Variants in CTNNA3 observed in about 807,000 individuals in gnomAD.
CTNNA3 encodes catenin alpha 3.
CTNNA3 carries 76 observed loss-of-function variants against 95.7 expected under a neutral mutation model. That is an observed-to-expected ratio of 0.79 (90% CI 0.66 to 0.96). CTNNA3 has a LOEUF of 0.96. CTNNA3 is among the 40% of genes least tolerant of loss of function. The pLI, the probability that CTNNA3 is intolerant of heterozygous loss-of-function variation, is 0.00. For synonymous variants in CTNNA3, 431 were observed against 374.4 expected (o/e 1.15, Z -1.74); for missense variants, 1,191 against 1,089.8 (o/e 1.09, Z -1.31).
At position 66,221,975 on chromosome 10, in the gene CTNNA3, T is replaced by C. The variant is rs537814499; in HGVS notation, c.1884+58495A>G. Among the ~76,000 whole-genome samples, 126 of 152,294 alleles carry C rather than the reference T, an allele frequency of 8.3e-4. 1 individual carries two copies. The highest frequency in any genetic ancestry group is 2.9e-3 in the African/African-American group (119 of 41,578). ...GAGAGGCTTCTAGCTTAAGTACAAT[T>C]ACAGAAAAGGGCCTTGCATTTTTAT... On this transcript the variant is annotated intron_variant, in intron 13 of 17. Transcript: ENST00000433211.
chr10:67,483,784 A>AC (rs1848339097), intron 5 of CTNNA3, among the ~76,000 whole-genome samples: 2 of 149,524 alleles, frequency 1.3e-5, no homozygotes, highest in African/African-American at 4.9e-5. Flanking sequence ...ATTAAAAAAA[A>AC]AAACAAAAAA....
intron 7 of CTNNA3, among the ~76,000 whole-genome samples, chr10:66,934,178 T>A (rs1452178881): frequency 6.6e-6 from 1 of 152,132 alleles, no homozygotes; most frequent in Admixed American, 6.5e-5. Flanking sequence ...ATCCATTTTA[T>A]TGAAAAAAAA....
intron 2 of CTNNA3, among the ~76,000 whole-genome samples, chr10:67,619,724 T>C (rs1170296494): frequency 6.6e-6 from 1 of 152,088 alleles, no homozygotes. Context: ...GATTAAAAGC[T>C]GTAATGGCTC....
At chr10:67,611,384 G>A (rs563903363) in intron 2 of CTNNA3, among the ~76,000 whole-genome samples, 13 of 151,832 alleles carry the variant, frequency 8.6e-5, no homozygotes, top group East Asian at 5.8e-4. Flanking sequence ...CACGATCTCC[G>A]TTCACTGCAA....
At chr10:67,285,628 TAAACAGG>T (rs1792201987) in intron 5 of CTNNA3, among the ~76,000 whole-genome samples, 2 of 152,226 alleles carry the variant, frequency 1.3e-5, no homozygotes, top group African/African-American at 4.8e-5. Flanking sequence ...ACTTGTTTTG[TAAACAGG>T]AAAGTACATA....
chr10:66,470,103 A>T (rs1048511245), intron 11 of CTNNA3, among the ~76,000 whole-genome samples: 1 of 151,886 alleles, frequency 6.6e-6, no homozygotes, highest in Non-Finnish European at 1.5e-5. Flanking sequence ...GAGACCAAAA[A>T]TCAGGACCAG....
chr10:66,707,316 T>C (rs931613938), intron 9 of CTNNA3, among the ~76,000 whole-genome samples: 1 of 152,110 alleles, frequency 6.6e-6, no homozygotes, highest in African/African-American at 2.4e-5. Flanking sequence ...GAACAGCTTA[T>C]AAAATTAATA....
intron 7 of CTNNA3, among the ~76,000 whole-genome samples, chr10:67,171,627 C>A (rs538700189): frequency 6.6e-6 from 1 of 151,570 alleles, no homozygotes; most frequent in Non-Finnish European, 1.5e-5. Context: ...TAGTGCACAC[C>A]CGTAGTCCCA....
At chr10:67,310,676 T>A (rs1840753653) in intron 5 of CTNNA3, among the ~76,000 whole-genome samples, 1 of 152,138 alleles carries the variant, frequency 6.6e-6, no homozygotes, top group South Asian at 2.1e-4. Flanking sequence ...CTTCTTCACA[T>A]GGTGACAGGA....
At chr10:66,543,974 T>C (rs1841958430) in intron 10 of CTNNA3, among the ~76,000 whole-genome samples, 1 of 138,046 alleles carries the variant, frequency 7.2e-6, no homozygotes, top group Non-Finnish European at 1.6e-5. Context: ...AGCATTTTTC[T>C]TTATTTTATT....
chr10:67,005,204 T>A (rs973746278), intron 7 of CTNNA3, among the ~76,000 whole-genome samples: 11 of 152,180 alleles, frequency 7.2e-5, no homozygotes, highest in African/African-American at 2.7e-4. Context: ...GAAAATGATT[T>A]CCAAAGCCAG....
chr10:67,671,245 A>C (rs1840426009), intron 1 of CTNNA3, among the ~76,000 whole-genome samples: 1 of 152,166 alleles, frequency 6.6e-6, no homozygotes, highest in East Asian at 1.9e-4. Context: ...GACTGTGGTA[A>C]GGTGCCTGGA....
chr10:66,332,530 T>G (rs975659326), intron 12 of CTNNA3, among the ~76,000 whole-genome samples: 1 of 152,092 alleles, frequency 6.6e-6, no homozygotes, highest in Non-Finnish European at 1.5e-5. Flanking sequence ...GGATTACGTT[T>G]ATTGATTTGT....
At chr10:67,080,729 G>T (rs1319287445) in intron 7 of CTNNA3, among the ~76,000 whole-genome samples, 1 of 151,942 alleles carries the variant, frequency 6.6e-6, no homozygotes, top group African/African-American at 2.4e-5. Flanking sequence ...CTAACACAGT[G>T]AAACCCCATC....
intron 1 of CTNNA3, among the ~76,000 whole-genome samples, chr10:67,688,744 G>C (rs1415115332): frequency 6.6e-6 from 1 of 152,052 alleles, no homozygotes; most frequent in African/African-American, 2.4e-5. Context: ...CCTTGGTCTT[G>C]GTTTGTTTCT....
chr10:66,054,716 C>A (rs1241603167), intron 15 of CTNNA3, among the ~76,000 whole-genome samples: 1 of 152,006 alleles, frequency 6.6e-6, no homozygotes, highest in Non-Finnish European at 1.5e-5. Context: ...GCAGAAGAAG[C>A]TTTTTACTTT....
At chr10:65,953,849 T>C (rs2077672710) in intron 17 of CTNNA3, among the ~76,000 whole-genome samples, 1 of 152,200 alleles carries the variant, frequency 6.6e-6, no homozygotes, top group South Asian at 2.1e-4. Context: ...TAAACATATG[T>C]GTGCATGTGT....
chr10:66,068,381 G>A (rs1393226840), intron 15 of CTNNA3, among the ~76,000 whole-genome samples: 6 of 151,906 alleles, frequency 3.9e-5, no homozygotes, highest in Non-Finnish European at 2.9e-5. Context: ...ATTTTTTGAA[G>A]TTCAATTTAA....
chr10:67,575,981 A>C (rs1842130112), intron 3 of CTNNA3, among the ~76,000 whole-genome samples: 1 of 152,216 alleles, frequency 6.6e-6, no homozygotes, highest in Non-Finnish European at 1.5e-5. Context: ...AAGATAGATT[A>C]GTAGAGTTAA....
Sources: gnomAD v4.1 joint callset for allele counts (sites outside exome capture counted in the v4.1 genomes callset) on GRCh38, gnomAD v4.1.1 for gene constraint, MANE v1.5 for transcripts, NCBI Gene and HGNC (gene_info 2026-07-23, HGNC 2026-07-21) for gene names.